Variants in MTBP observed in about 807,000 individuals in gnomAD.
MTBP encodes the protein mdm2-binding protein.
A neutral mutation model predicts 117.0 loss-of-function variants in MTBP; 101 were observed. The ratio of observed to expected loss-of-function variants is 0.86; its 90% CI spans 0.73 to 1.02. The LOEUF is 1.02. Among genes scored for constraint, MTBP ranks in the 50% least tolerant of loss-of-function variants. The probability of loss-of-function intolerance (pLI) is 0.00; values close to 1 mark genes in which losing one functional copy is unlikely to be tolerated. For synonymous variants in MTBP, 350 were observed against 351.5 expected (o/e 1.00, Z 0.05); for missense variants, 970 against 1,030.9 (o/e 0.94, Z 0.81).
At chr8:120,470,772 A>C (rs1461936609) in intron 10 of MTBP, 48 bp from the exon 11 acceptor site, 1 of 1,348,116 alleles carries the variant, frequency 7.4e-7, no homozygotes, top group East Asian at 2.3e-5. Context: ...ACTATTCAAG[A>C]ATGAATCTCA....
intron 10 of MTBP, among the ~76,000 whole-genome samples, chr8:120,469,436 G>A (rs545862667): frequency 9.8e-5 from 15 of 152,290 alleles, no homozygotes; most frequent in African/African-American, 3.6e-4. Flanking sequence ...AGTTGCAAGA[G>A]GATCAGCTTC....
chr8:120,506,927 C>T, intron 16 of MTBP, 66 bp downstream of exon 16: 1 of 1,375,670 alleles, frequency 7.3e-7, no homozygotes, highest in African/African-American at 1.5e-5. Context: ...AATTGTGTCT[C>T]ATTTCCTTAT....
intron 14 of MTBP, among the ~76,000 whole-genome samples, chr8:120,500,331 A>C (rs1814557444): frequency 6.6e-6 from 1 of 152,198 alleles, no homozygotes; most frequent in Admixed American, 6.5e-5. Context: ...AAAAGACATG[A>C]GACATATGAA....
At chr8:120,455,070 G>T (rs898382177) in intron 5 of MTBP, among the ~76,000 whole-genome samples, 2 of 150,692 alleles carry the variant, frequency 1.3e-5, no homozygotes, top group African/African-American at 4.9e-5. Flanking sequence ...AAATTGCACA[G>T]GTTTTTTTTT....
intron 10 of MTBP, among the ~76,000 whole-genome samples, chr8:120,466,467 C>T (rs1025384929): frequency 2.6e-5 from 4 of 151,624 alleles, no homozygotes; most frequent in African/African-American, 9.7e-5. Flanking sequence ...CCACCCACCT[C>T]GGCCTCCCAA....
chr8:120,465,753 G>A (rs951346223), intron 10 of MTBP, among the ~76,000 whole-genome samples: 5 of 140,696 alleles, frequency 3.6e-5, no homozygotes, highest in South Asian at 2.4e-4. Context: ...TCTGCCTCCC[G>A]GGTTCAAGTG....
chr8:120,470,871 C>T lies in MTBP; in HGVS notation c.1099C>T (p.Pro367Ser), dbSNP rs759875119. 1.1e-5 allele frequency: 18 copies of T among 1,612,530 alleles called. No individual in the cohort carries two copies. The African/African-American group carries it at 1.7e-4, about 16-fold the overall frequency. The change falls in exon 11 of 22, where the codon CCT (proline) becomes TCT (serine). Residue 367 changes from proline (P) to serine (S), a missense_variant. Coordinates refer to ENST00000305949, the MANE Select transcript of MTBP (RefSeq NM_022045.5). ...PCTISNILIP[P>S]PNQLSSRKWK... is the part of the protein sequence containing the mutation. ...TACCATTAGTAACATACTGATTCCACCTCCCAACCAACTCAGTTCAAGAAA... is the reference window on the plus strand; with the variant it reads ...TACCATTAGTAACATACTGATTCCATCTCCCAACCAACTCAGTTCAAGAAA...
chr8:120,479,812 A>T (rs1307074963), intron 11 of MTBP, among the ~76,000 whole-genome samples: 1 of 150,548 alleles, frequency 6.6e-6, no homozygotes, highest in African/African-American at 2.4e-5. Context: ...AAAACAAAAC[A>T]TAAAATGAAT....
chr8:120,459,059 G>T (rs1344967524), intron 7 of MTBP, among the ~76,000 whole-genome samples, 156 bp from the exon 8 acceptor site: 1 of 152,058 alleles, frequency 6.6e-6, no homozygotes, highest in African/African-American at 2.4e-5. Context: ...AAAACAGGAT[G>T]TGTACCTAAA....
chr8:120,518,833 T>C lies in MTBP; in HGVS notation c.2610+16T>C. On this transcript the variant is annotated intron_variant, in intron 20 of 21. Transcript: ENST00000305949. ...CTATCTAAAGGTACGGTATCTTCTCTACTAATGGCAAAATTTAGTTCATGT... is the reference window on the plus strand; with the variant it reads ...CTATCTAAAGGTACGGTATCTTCTCCACTAATGGCAAAATTTAGTTCATGT... The C allele has an allele frequency of 6.5e-7, 1 of 1,538,670 alleles. No individual in the cohort carries two copies. The highest frequency in any genetic ancestry group is 8.9e-7 in the Non-Finnish European group (1 of 1,127,254).
At position 120,451,318 on chromosome 8, in the gene MTBP, G is replaced by T. The variant is rs762053324; in HGVS notation, c.421G>T (p.Ala141Ser). 1 of 1,610,684 alleles carries T rather than the reference G, an allele frequency of 6.2e-7. No homozygotes were observed. The highest frequency in any genetic ancestry group is 1.3e-5 in the African/African-American group (1 of 74,792). ...TAATAGCAGGGAATCATTATCCTTGGCTGAGTATGCTTATATGGTTTTTGT... is the reference window on the plus strand; with the variant it reads ...TAATAGCAGGGAATCATTATCCTTGTCTGAGTATGCTTATATGGTTTTTGT... Reference protein sequence around the residue: ...DSNSRESLSLADLYEEAAENL... With the variant: ...DSNSRESLSLSDLYEEAAENL... The change falls in exon 4 of 22, where the codon GCT (alanine) becomes TCT (serine). Residue 141 changes from alanine to serine, a missense_variant. Physicochemically the swap from Ala to Ser is moderately conservative, Grantham distance 99 (BLOSUM62 1). Transcript: ENST00000305949.
intron 11 of MTBP, among the ~76,000 whole-genome samples, chr8:120,486,290 A>C (rs1055490038): frequency 4.6e-4 from 70 of 152,270 alleles, no homozygotes; most frequent in African/African-American, 1.6e-3. Flanking sequence ...GAGTCAGATA[A>C]AGTCAGTTTC....
At chr8:120,458,324 T>C (rs1304653545) in intron 7 of MTBP, among the ~76,000 whole-genome samples, 1 of 152,216 alleles carries the variant, frequency 6.6e-6, no homozygotes, top group Admixed American at 6.5e-5. Context: ...GTTGTCTTCA[T>C]CTGTAAGATG....
At chr8:120,473,452 G>A (rs1037930746) in intron 11 of MTBP, 2 of 152,050 alleles carry the variant, frequency 1.3e-5, no homozygotes, top group African/African-American at 4.8e-5. Flanking sequence ...CATCAAACTG[G>A]GTTTTTACAC....
chr8:120,503,445 G>T (rs1013151163), intron 15 of MTBP, among the ~76,000 whole-genome samples: 1 of 152,124 alleles, frequency 6.6e-6, no homozygotes, highest in African/African-American at 2.4e-5. Context: ...AATTTTATTT[G>T]TTGTGGGGAG....
At chr8:120,502,458 C>T (rs1233244514) in intron 14 of MTBP, 34 bp from the exon 15 acceptor site, 1 of 1,399,618 alleles carries the variant, frequency 7.1e-7, no homozygotes, top group African/African-American at 1.5e-5. Flanking sequence ...TATGATAATA[C>T]TTTTCAGACT....
chr8:120,456,780 G>C, intron 7 of MTBP, 110 bp downstream of exon 7: 2 of 695,776 alleles, frequency 2.9e-6, no homozygotes, highest in Non-Finnish European at 5.0e-6. Flanking sequence ...TTCTAGAATA[G>C]CACTAAGTAG....
Position 120,446,460 on chromosome 8 carries a change from T to G in MTBP, c.146T>G (p.Leu49Arg). ...PDFTAANVYH[L>R]LKRSISASIN... ...TTCACAGCAGCAAATGTTTATCACC[T>G]CTTGAAAAGAAGCATTAGTGCTTCA... Residue 49 changes from leucine to arginine, a missense_variant, in exon 2 of 22, where the codon CTC becomes CGC. Coordinates refer to ENST00000305949, the MANE Select transcript of MTBP (RefSeq NM_022045.5). 6.2e-7 allele frequency: 1 copy of G among 1,609,962 alleles called. No individual in the cohort carries two copies. The highest frequency in any genetic ancestry group is 8.5e-7 in the Non-Finnish European group (1 of 1,176,500).
chr8:120,512,446 TC>T (rs1483830034), intron 17 of MTBP, among the ~76,000 whole-genome samples: 1 of 152,130 alleles, frequency 6.6e-6, no homozygotes, highest in African/African-American at 2.4e-5. Flanking sequence ...CTCTTTTTTT[TC>T]TGCTGTTTTT....
Sources: allele counts gnomAD v4.1 joint callset (sites outside exome capture counted in the v4.1 genomes callset), GRCh38; gene constraint gnomAD v4.1.1; transcripts MANE v1.5; gene names NCBI Gene and HGNC (gene_info 2026-07-23, HGNC 2026-07-21).